The following TRPV1 variants were observed in gnomAD, a reference collection of about 807,000 sequenced individuals.
The protein encoded by TRPV1 is OTRPC1.
In TRPV1, 82 loss-of-function variants were observed where a neutral mutation model predicts 82.3. That is an observed-to-expected ratio of 1.00 (90% CI 0.83 to 1.20). The LOEUF (loss-of-function observed/expected upper bound fraction) is 1.20, where lower values mean the gene tolerates loss of function less well. Among genes scored for constraint, TRPV1 ranks in the 50% most tolerant of loss-of-function variants. The pLI is 0.00. For synonymous variants in TRPV1, 515 were observed against 467.7 expected (o/e 1.10, Z -1.30); for missense variants, 1,067 against 1,096.8 (o/e 0.97, Z 0.38).
At chr17:3,585,616 G>A in intron 9 of TRPV1, 152 bp downstream of exon 9, 1 of 925,994 alleles carries the variant, frequency 1.1e-6, no homozygotes, top group South Asian at 1.7e-5. Context: ...AGGGATACGA[G>A]GTTCTCCACG....
At chr17:3,588,763 G>A (rs161389) in intron 7 of TRPV1, among the ~76,000 whole-genome samples, 30,251 of 149,458 alleles carry the variant, frequency 0.2, 3,986 homozygotes, top group East Asian at 0.5. Context: ...GCAGTGAGCC[G>A]AGATTGTGCC....
intron 13 of TRPV1, among the ~76,000 whole-genome samples, chr17:3,575,972 T>C (rs1388906137): frequency 6.6e-6 from 1 of 151,682 alleles, no homozygotes; most frequent in Non-Finnish European, 1.5e-5. Context: ...CACCCTGTCA[T>C]CCTAGCACTT....
chr17:3,602,939 T>C (rs2075274362), intron 2 of TRPV1, among the ~76,000 whole-genome samples: 1 of 151,998 alleles, frequency 6.6e-6, no homozygotes, highest in Non-Finnish European at 1.5e-5. Context: ...CTGGCCAACA[T>C]GGAGAAACCC....
chr17:3,581,880 A>G lies in TRPV1; in HGVS notation c.1477-1353T>C, dbSNP rs534300097. 1.2e-4 allele frequency among the ~76,000 whole-genome samples: 15 copies of G among 122,866 alleles called. No individual in the cohort carries two copies. In the East Asian group the frequency reaches 4.2e-3, roughly 35 times the overall value. 80.6% of individuals were successfully genotyped at this position (122,866 alleles called of 152,430 possible). Reference sequence around the variant, plus strand: ...AGCCTGGGCAACTAAGCGAGACTCCATCTCAGAAAAAAAAAAAAATCACAA... The same window carrying G: ...AGCCTGGGCAACTAAGCGAGACTCCGTCTCAGAAAAAAAAAAAAATCACAA... On this transcript the variant is annotated intron_variant, in intron 10 of 16. Coordinates refer to ENST00000572705, the MANE Select transcript of TRPV1 (RefSeq NM_080704.4).
rs763247947 is a variant in TRPV1, at chr17:3,591,267, T to G, written c.371A>C (p.Gln124Pro). The G allele has an allele frequency of 1.2e-6, 2 of 1,613,260 alleles. No individual in the cohort carries two copies. Among genetic ancestry groups the G allele is most frequent in the Non-Finnish European group, 1.7e-6 (2 of 1,179,844 alleles). The change falls in exon 4 of 17, where the codon CAG becomes CCG. Residue 124 changes from glutamine to proline, a missense_variant. By Grantham distance (76) the Gln-to-Pro change is moderately conservative (BLOSUM62 -1). Coordinates refer to ENST00000572705, the MANE Select transcript of TRPV1 (RefSeq NM_080704.4). Reference protein sequence around the residue: ...DRRSIFEAVAQNNCQDLESLL... With the variant: ...DRRSIFEAVAPNNCQDLESLL... ...GCTCTCCAGATCCTGGCAGTTATTC[T>G]GAGCAACGGCTTCAAAGATACTCCT...
intron 13 of TRPV1, 70 bp from the exon 14 acceptor site, chr17:3,574,025 C>T (rs1006655562): frequency 3.8e-6 from 5 of 1,305,588 alleles, no homozygotes; most frequent in African/African-American, 3.0e-5. Context: ...GACATACACC[C>T]TCCTGCTCAG....
At position 3,592,296 on chromosome 17, in the gene TRPV1, C is replaced by G; in HGVS notation, c.55G>C (p.Asp19His). Reference protein sequence around the residue: ...LGAAADPLQKDTCPDPLDGDP... With the variant: ...LGAAADPLQKHTCPDPLDGDP... Reference sequence around the variant, plus strand: ...CCATCCAGGGGGTCTGGGCAGGTGTCCTTTTGGAGTGGGTCCGCAGCTGCC... The same window carrying G: ...CCATCCAGGGGGTCTGGGCAGGTGTGCTTTTGGAGTGGGTCCGCAGCTGCC... Residue 19 changes from aspartate (D) to histidine (H), a missense_variant, in exon 3 of 17, where the codon GAC (aspartate) becomes CAC (histidine). Coordinates refer to ENST00000572705, the MANE Select transcript of TRPV1 (RefSeq NM_080704.4). 1.2e-6 allele frequency: 2 copies of G among 1,602,558 alleles called. No homozygotes were observed. Among genetic ancestry groups the G allele is most frequent in the Non-Finnish European group, 1.7e-6 (2 of 1,174,422 alleles).
intron 2 of TRPV1, among the ~76,000 whole-genome samples, chr17:3,593,777 G>A (rs112604642): frequency 0.02 from 2,975 of 152,118 alleles, 101 homozygotes; most frequent in African/African-American, 0.066. Flanking sequence ...TATCTCTCCC[G>A]CACCCTGTGA....
chr17:3,587,662 C>G (rs1040740742), intron 8 of TRPV1, among the ~76,000 whole-genome samples: 11 of 151,918 alleles, frequency 7.2e-5, no homozygotes, highest in Non-Finnish European at 1.6e-4. Flanking sequence ...CTATTAAATA[C>G]AAAAAATTAG....
intron 11 of TRPV1, chr17:3,578,956 A>G (rs971771070): frequency 6.6e-6 from 1 of 152,170 alleles, no homozygotes; most frequent in African/African-American, 2.4e-5. Context: ...GTTCTTACTT[A>G]TAAGTGGAGC....
intron 11 of TRPV1, chr17:3,577,989 T>G (rs2074957241): frequency 1.9e-6 from 1 of 514,614 alleles, no homozygotes; most frequent in South Asian, 2.4e-5. Flanking sequence ...TCACTCTTTA[T>G]GTATAAAGCA....
chr17:3,572,160 G>A lies in TRPV1; in HGVS notation c.2193C>T (p.Tyr731=). Residue 731 remains tyrosine, a synonymous_variant, in exon 15 of 17, where the codon TAC becomes TAT. Coordinates refer to ENST00000572705, the MANE Select transcript of TRPV1 (RefSeq NM_080704.4). ...FRSGKLLQVG[Y]TPDGKDDYRW... ...GGTAGTCGTCCTTGCCATCAGGTGT[G>A]TACCCCACCTGCAGCAGCTTGCCTG... is the stretch of plus-strand genomic sequence containing the variant. The A allele has an allele frequency of 6.2e-7, 1 of 1,613,732 alleles. No individual in the cohort carries two copies. The highest frequency in any genetic ancestry group is 8.5e-7 in the Non-Finnish European group (1 of 1,179,762).
Position 3,593,081 on chromosome 17 carries a change from CGTGTGTGT to C in TRPV1, c.-33-706_-33-699del, listed in dbSNP as rs57419633. On this transcript the variant is annotated intron_variant, in intron 2 of 16. Transcript: ENST00000572705. ...AGCATCCTGGCCTTGAATGTTTAGG[CGTGTGTGT>C]GTGTGTGTGTGTGTGTGTGTGTGTG... is the stretch of plus-strand genomic sequence containing the variant. 4.4e-3 allele frequency among the ~76,000 whole-genome samples: 494 copies of C among 112,828 alleles called. 2 individuals are homozygous for C. The highest frequency in any genetic ancestry group is 7.3e-3 in the African/African-American group (134 of 18,264). The allele number at this position is 112,828 out of a possible 152,430, so 74.0% of individuals were successfully genotyped here.
chr17:3,576,667 A>AAAAAAAT (rs1567661064), intron 13 of TRPV1, among the ~76,000 whole-genome samples: 1 of 61,624 alleles, frequency 1.6e-5, no homozygotes, highest in Non-Finnish European at 4.0e-5. Context: ...AAAAAAAAAA[A>AAAAAAAT]AATATATATA....
At chr17:3,588,918 C>T in intron 7 of TRPV1, 3 of 1,535,912 alleles carry the variant, frequency 2.0e-6, no homozygotes, top group Non-Finnish European at 2.6e-6. Flanking sequence ...GAGGCCCCAG[C>T]TCTACCATCT....
At chr17:3,592,916 C>T (rs61454261) in intron 2 of TRPV1, 16,201 of 153,816 alleles carry the variant, frequency 0.11, 2,843 homozygotes, top group African/African-American at 0.37. Flanking sequence ...CTGCGGGGCC[C>T]TGCTGTGCAA....
At chr17:3,600,754 C>T (rs1047291016) in intron 2 of TRPV1, among the ~76,000 whole-genome samples, 2 of 152,286 alleles carry the variant, frequency 1.3e-5, no homozygotes, top group Non-Finnish European at 2.9e-5. Flanking sequence ...GGGGAAGTCC[C>T]GGCCCTCCTC....
chr17:3,578,030 C>G (rs1418500025), intron 11 of TRPV1: 1 of 309,708 alleles, frequency 3.2e-6, no homozygotes, highest in Non-Finnish European at 6.2e-6. Flanking sequence ...AAAGGCCAGG[C>G]GCAGTAGCTC....
At chr17:3,606,936 G>A (rs952789688) in intron 2 of TRPV1, among the ~76,000 whole-genome samples, 3 of 152,142 alleles carry the variant, frequency 2.0e-5, no homozygotes, top group Admixed American at 6.6e-5. Flanking sequence ...GAGATTAGAC[G>A]GCCTGGCTCC....
Sources: gnomAD v4.1 joint callset for allele counts (sites outside exome capture counted in the v4.1 genomes callset) on GRCh38, gnomAD v4.1.1 for gene constraint, MANE v1.5 for transcripts, NCBI Gene and HGNC (gene_info 2026-07-23, HGNC 2026-07-21) for gene names.